Variants in RORA observed in about 807,000 individuals in gnomAD.
The protein encoded by RORA is nuclear receptor ROR-alpha.
RORA carries 7 observed loss-of-function variants against 69.5 expected under a neutral mutation model. The ratio of observed to expected loss-of-function variants is 0.10; its 90% CI spans 0.06 to 0.19. The LOEUF is 0.19. Among genes scored for constraint, RORA ranks in the 10% least tolerant of loss-of-function variants. The pLI, the probability that RORA is intolerant of heterozygous loss-of-function variation, is 1.00. For missense variants in RORA, 457 were observed against 663.0 expected (o/e 0.69, Z 3.41); for synonymous variants, 261 against 240.8 (o/e 1.08, Z -0.78).
At chr15:60,910,283 C>T (rs1891666534) in intron 1 of RORA, among the ~76,000 whole-genome samples, 1 of 152,204 alleles carries the variant, frequency 6.6e-6, no homozygotes, top group South Asian at 2.1e-4. Context: ...TTCCCTAAAC[C>T]ACAGTGGAAA....
intron 2 of RORA, among the ~76,000 whole-genome samples, chr15:60,566,645 A>C (rs1331418655): frequency 6.6e-6 from 1 of 152,252 alleles, no homozygotes; most frequent in African/African-American, 2.4e-5. Flanking sequence ...AAAGATCATA[A>C]TAACAGAATA....
intron 1 of RORA, among the ~76,000 whole-genome samples, chr15:60,884,394 C>T (rs545349878): frequency 2.0e-5 from 3 of 151,880 alleles, no homozygotes; most frequent in African/African-American, 7.2e-5. Flanking sequence ...GTCATCTGCC[C>T]CTTTGCTGGA....
At chr15:61,060,477 G>A (rs1231096062) in intron 1 of RORA, among the ~76,000 whole-genome samples, 1 of 152,178 alleles carries the variant, frequency 6.6e-6, no homozygotes, top group Non-Finnish European at 1.5e-5. Context: ...CCTCAGGGTA[G>A]GGGTCGGGGG....
chr15:61,229,026 C>G (rs1365404389), intron 1 of RORA, 27 bp downstream of exon 1: 2 of 1,322,838 alleles, frequency 1.5e-6, no homozygotes, highest in Non-Finnish European at 2.0e-6. Flanking sequence ...CCGCCGCCCC[C>G]TCCCCAGCCC....
chr15:60,542,735 CCTCAAA>C (rs2066932274), intron 2 of RORA, among the ~76,000 whole-genome samples: 1 of 144,474 alleles, frequency 6.9e-6, no homozygotes, highest in Non-Finnish European at 1.5e-5. Flanking sequence ...CACAGGCACA[CCTCAAA>C]CGACACACGG....
chr15:61,205,123 C>T (rs572316728), intron 1 of RORA, among the ~76,000 whole-genome samples: 8 of 152,276 alleles, frequency 5.3e-5, no homozygotes, highest in Admixed American at 5.2e-4. Flanking sequence ...CTTATAAAAG[C>T]AGTGAGCCAG....
chr15:61,207,692 T>C (rs1473613873), intron 1 of RORA, among the ~76,000 whole-genome samples: 1 of 152,218 alleles, frequency 6.6e-6, no homozygotes, highest in East Asian at 1.9e-4. Flanking sequence ...GGGTTTGTTA[T>C]TGTTCATGAT....
At chr15:60,716,403 C>G (rs2071219585) in intron 1 of RORA, among the ~76,000 whole-genome samples, 1 of 152,166 alleles carries the variant, frequency 6.6e-6, no homozygotes, top group South Asian at 2.1e-4. Context: ...CAGCCTGTTG[C>G]ACTGGTCCAG....
intron 2 of RORA, among the ~76,000 whole-genome samples, chr15:60,564,376 A>T (rs1338447213): frequency 2.0e-5 from 3 of 152,222 alleles, no homozygotes; most frequent in African/African-American, 7.2e-5. Flanking sequence ...TACTGATTTT[A>T]TCTTAACATA....
intron 2 of RORA, among the ~76,000 whole-genome samples, chr15:60,597,634 ATATAT>A (rs2068725525): frequency 1.4e-5 from 1 of 69,340 alleles, no homozygotes; most frequent in Non-Finnish European, 2.6e-5. Flanking sequence ...ATATATATAC[ATATAT>A]ATATATATAT....
At chr15:61,017,976 C>T (rs1304974201) in intron 1 of RORA, among the ~76,000 whole-genome samples, 1 of 152,132 alleles carries the variant, frequency 6.6e-6, no homozygotes, top group Non-Finnish European at 1.5e-5. Flanking sequence ...TCATAAAAAG[C>T]ATTGCAGCAT....
intron 1 of RORA, among the ~76,000 whole-genome samples, chr15:60,801,694 T>C (rs2072583821): frequency 6.6e-6 from 1 of 152,220 alleles, no homozygotes; most frequent in Admixed American, 6.5e-5. Flanking sequence ...CGCCACGGTG[T>C]GGAATCTGTG....
chr15:61,225,977 A>G (rs2080142240), intron 1 of RORA, among the ~76,000 whole-genome samples: 1 of 152,202 alleles, frequency 6.6e-6, no homozygotes, highest in Non-Finnish European at 1.5e-5. Context: ...TAAAACTGCT[A>G]ACATTCCCAG....
At chr15:61,180,020 T>C (rs78266577) in intron 1 of RORA, among the ~76,000 whole-genome samples, 18,541 of 151,020 alleles carry the variant, frequency 0.12, 1,377 homozygotes, top group South Asian at 0.3. Context: ...GGTGCATGCC[T>C]GTAGTCCCAG....
intron 1 of RORA, among the ~76,000 whole-genome samples, chr15:60,752,057 A>G (rs538156656): frequency 1.2e-4 from 19 of 152,200 alleles, no homozygotes; most frequent in African/African-American, 4.3e-4. Context: ...GAGAAGGATC[A>G]TCCGAGCTAG....
chr15:61,150,069 C>A (rs945885881), intron 1 of RORA, among the ~76,000 whole-genome samples: 1 of 152,136 alleles, frequency 6.6e-6, no homozygotes. Flanking sequence ...AAGAGTACTA[C>A]ACATGGTTAA....
At chr15:60,850,458 GA>G (rs769181666) in intron 1 of RORA, among the ~76,000 whole-genome samples, 11 of 152,136 alleles carry the variant, frequency 7.2e-5, no homozygotes, top group Non-Finnish European at 1.3e-4. Flanking sequence ...GACTCCTGGG[GA>G]GGTTACTTGA....
At chr15:60,789,360 T>C (rs897183305) in intron 1 of RORA, among the ~76,000 whole-genome samples, 15 of 152,252 alleles carry the variant, frequency 9.9e-5, no homozygotes, top group African/African-American at 3.6e-4. Context: ...AAACACTTAA[T>C]ATATCTTGCT....
At chr15:60,580,324 C>A (rs2068155742) in intron 2 of RORA, among the ~76,000 whole-genome samples, 2 of 152,154 alleles carry the variant, frequency 1.3e-5, no homozygotes, top group African/African-American at 4.8e-5. Flanking sequence ...GACATCCACC[C>A]ACAAGGTTAA....
Sources: gnomAD v4.1 joint callset for allele counts (sites outside exome capture counted in the v4.1 genomes callset) on GRCh38, gnomAD v4.1.1 for gene constraint, MANE v1.5 for transcripts, NCBI Gene and HGNC (gene_info 2026-07-23, HGNC 2026-07-21) for gene names.